The following KDM4C variants were observed in gnomAD, a reference collection of about 807,000 sequenced individuals.
KDM4C encodes lysine demethylase 4C.
In KDM4C, 81 loss-of-function variants were observed where a neutral mutation model predicts 129.3. That is an observed-to-expected ratio of 0.63 (90% CI 0.52 to 0.75). The LOEUF (loss-of-function observed/expected upper bound fraction) is 0.75. Ranked by LOEUF, KDM4C falls within the 30% of genes least tolerant of loss-of-function variation. KDM4C has a pLI of 0.00. For synonymous variants in KDM4C, 573 were observed against 456.1 expected (o/e 1.26, Z -3.26); for missense variants, 1,457 against 1,304.0 (o/e 1.12, Z -1.81).
chr9:6,743,422 C>T (rs1248646281), intron 1 of KDM4C, among the ~76,000 whole-genome samples: 1 of 151,998 alleles, frequency 6.6e-6, no homozygotes, highest in Non-Finnish European at 1.5e-5. Flanking sequence ...GAGTGTGCAT[C>T]TTTAGTCTCA....
chr9:6,929,721 T>C (rs1445869147), intron 8 of KDM4C, among the ~76,000 whole-genome samples: 3 of 152,088 alleles, frequency 2.0e-5, no homozygotes, highest in Non-Finnish European at 4.4e-5. Flanking sequence ...AATCCGGGTG[T>C]ATTTGACCCC....
chr9:6,822,563 A>G (rs1308268936), intron 4 of KDM4C, among the ~76,000 whole-genome samples: 1 of 152,218 alleles, frequency 6.6e-6, no homozygotes, highest in African/African-American at 2.4e-5. Context: ...TGGAAACAGT[A>G]CATACACATA....
rs775365743 is a variant in KDM4C at position 6,986,368 on chromosome 9, T to C, written c.1379T>C (p.Val460Ala). The change falls in exon 11 of 22, where the codon GTA becomes GCA. Residue 460 changes from valine (V) to alanine (A), a missense_variant. Physicochemically the swap from Val to Ala is moderately conservative, Grantham distance 64 (BLOSUM62 0). Transcript: ENST00000381309. ...GGAAACAGCTGCTTAAGTACATCTG[T>C]AACAGAAGACATAAAAACTGAGGAT... is the stretch of plus-strand genomic sequence containing the variant. The part of the protein sequence containing the change: ...LSGNSCLSTS[V>A]TEDIKTEDDK... 1.2e-6 allele frequency: 2 copies of C among 1,612,324 alleles called. No individual in the cohort carries two copies. Among genetic ancestry groups the C allele is most frequent in the Middle Eastern group, 1.7e-4 (1 of 6,048 alleles).
rs576345688 is a variant in KDM4C, at chr9:7,016,265, C to A, written c.2259+336C>A. 5.9e-5 allele frequency among the ~76,000 whole-genome samples: 9 copies of A among 151,842 alleles called. No homozygotes were observed. The East Asian group carries it at 1.4e-3, about 23-fold the overall frequency. On this transcript the variant is annotated intron_variant, in intron 15 of 21. Coordinates refer to ENST00000381309, the MANE Select transcript of KDM4C (RefSeq NM_015061.6). ...GCCTCAGCCTCCCAAGTAGCTGGGA[C>A]TACAGGCACCCGCCACCACGCCTGG...
chr9:6,826,387 T>C (rs1833873744), intron 4 of KDM4C, among the ~76,000 whole-genome samples: 1 of 152,116 alleles, frequency 6.6e-6, no homozygotes, highest in Non-Finnish European at 1.5e-5. Context: ...ATCCTGGCAT[T>C]CAGAGAAAAC....
intron 2 of KDM4C, among the ~76,000 whole-genome samples, chr9:6,794,346 C>T (rs545361365): frequency 2.6e-5 from 4 of 152,276 alleles, no homozygotes; most frequent in Non-Finnish European, 5.9e-5. Context: ...AATAGCAAGT[C>T]CAGCGGCCTG....
At chr9:6,914,364 G>A (rs753201469) in intron 8 of KDM4C, among the ~76,000 whole-genome samples, 1 of 152,128 alleles carries the variant, frequency 6.6e-6, no homozygotes, top group Non-Finnish European at 1.5e-5. Flanking sequence ...GAGCCACTGT[G>A]CCTGGCCCAT....
intron 1 of KDM4C, among the ~76,000 whole-genome samples, chr9:6,779,952 A>G (rs1409950693): frequency 6.6e-6 from 1 of 152,200 alleles, no homozygotes; most frequent in Non-Finnish European, 1.5e-5. Context: ...GTAGCACTGA[A>G]TGCAATTACT....
At chr9:6,867,973 C>T (rs976495617) in intron 5 of KDM4C, among the ~76,000 whole-genome samples, 1 of 152,114 alleles carries the variant, frequency 6.6e-6, no homozygotes, top group South Asian at 2.1e-4. Context: ...TGATAGGTCC[C>T]TACTTTGGAA....
At chr9:6,874,931 TAAAA>T (rs34854547) in intron 5 of KDM4C, among the ~76,000 whole-genome samples, 2 of 133,058 alleles carry the variant, frequency 1.5e-5, no homozygotes, top group South Asian at 2.4e-4. Flanking sequence ...TCTCTACAGT[TAAAA>T]AAAAAAAAAA....
chr9:6,825,054 G>C (rs949269698), intron 4 of KDM4C, among the ~76,000 whole-genome samples: 2 of 148,768 alleles, frequency 1.3e-5, no homozygotes, highest in Non-Finnish European at 3.0e-5. Flanking sequence ...GCAGAGTCAA[G>C]AGAATTGCTC....
chr9:6,728,808 C>A (rs1268404407), intron 1 of KDM4C, among the ~76,000 whole-genome samples: 2 of 151,184 alleles, frequency 1.3e-5, no homozygotes, highest in Non-Finnish European at 3.0e-5. Flanking sequence ...ATTGTACCAC[C>A]ACACTCCAGC....
chr9:6,869,372 T>C lies in KDM4C; in HGVS notation c.630-10640T>C, dbSNP rs372598613. On this transcript the variant is annotated intron_variant, in intron 5 of 21. Transcript: ENST00000381309. ...GCACCTCATTCTCCAGGCCGTACTC[T>C]TAGATGCCTAGCTTACAAGGCAAGA... is the stretch of plus-strand genomic sequence containing the variant. 1.6e-3 allele frequency among the ~76,000 whole-genome samples: 243 copies of C among 152,384 alleles called. 1 individual carries two copies. The highest frequency in any genetic ancestry group is 5.6e-3 in the African/African-American group (233 of 41,580).
At chr9:7,123,786 C>T (rs535116543) in intron 18 of KDM4C, among the ~76,000 whole-genome samples, 1 of 152,068 alleles carries the variant, frequency 6.6e-6, no homozygotes, top group Non-Finnish European at 1.5e-5. Context: ...TAGCCATGTG[C>T]CTGAATTTGA....
At chr9:7,002,361 C>T (rs1586832352) in intron 12 of KDM4C, among the ~76,000 whole-genome samples, 1 of 152,024 alleles carries the variant, frequency 6.6e-6, no homozygotes, top group Non-Finnish European at 1.5e-5. Context: ...TTATGGGGTA[C>T]AAAATGGTGT....
intron 8 of KDM4C, among the ~76,000 whole-genome samples, chr9:6,956,299 C>G (rs748035288): frequency 2.0e-5 from 3 of 152,172 alleles, no homozygotes; most frequent in African/African-American, 7.2e-5. Flanking sequence ...GGGATGGATA[C>G]TCCATTCCCC....
At chr9:6,992,838 ACAAT>A (rs1418401816) in intron 12 of KDM4C, among the ~76,000 whole-genome samples, 1 of 152,212 alleles carries the variant, frequency 6.6e-6, no homozygotes, top group East Asian at 1.9e-4. Flanking sequence ...TCTTTAAACA[ACAAT>A]CAGTGTCTTC....
intron 15 of KDM4C, among the ~76,000 whole-genome samples, chr9:7,022,036 C>G (rs1328434085): frequency 1.3e-5 from 2 of 152,224 alleles, no homozygotes; most frequent in South Asian, 2.1e-4. Context: ...ATGCCATTAC[C>G]ATGTCATTTT....
chr9:6,979,985 T>C (rs1312415697), intron 8 of KDM4C, among the ~76,000 whole-genome samples: 5 of 152,174 alleles, frequency 3.3e-5, no homozygotes, highest in South Asian at 2.1e-4. Flanking sequence ...GGTGGGAGTT[T>C]GGGTTTGGAT....
Sources: gnomAD v4.1 joint callset for allele counts (sites outside exome capture counted in the v4.1 genomes callset) on GRCh38, gnomAD v4.1.1 for gene constraint, MANE v1.5 for transcripts, NCBI Gene and HGNC (gene_info 2026-07-23, HGNC 2026-07-21) for gene names.